The following AQR variants were observed in gnomAD, a reference collection of about 807,000 sequenced individuals.
AQR encodes aquarius intron-binding spliceosomal factor.
AQR carries 61 observed loss-of-function variants against 180.5 expected under a neutral mutation model. The observed-to-expected ratio is 0.34, with a 90% confidence interval of 0.28 to 0.42. The LOEUF (loss-of-function observed/expected upper bound fraction) is 0.42. Ranked by LOEUF, AQR falls within the 10% of genes least tolerant of loss-of-function variation. The pLI, the probability that AQR is intolerant of heterozygous loss-of-function variation, is 1.00. For synonymous variants in AQR, 551 were observed against 588.8 expected (o/e 0.94, Z 0.93); for missense variants, 1,281 against 1,798.3 (o/e 0.71, Z 5.20).
Position 34,960,777 on chromosome 15 carries a change from G to T in AQR, c.170C>A (p.Ser57Ter). 1 of 917,152 alleles carries T rather than the reference G, an allele frequency of 1.1e-6. No homozygotes were observed. The highest frequency in any genetic ancestry group is 1.7e-6 in the Non-Finnish European group (1 of 601,616). The allele number at this position is 917,152 out of a possible 1,614,324, so 56.8% of individuals were successfully genotyped here. A position where few individuals can be genotyped will look rare whatever the true frequency, so the allele number is the denominator to read the frequency against. The change falls in exon 3 of 35, where the codon TCA (serine) becomes TAA (stop). Residue 57 changes from serine (S) to a stop codon, truncating the protein, a stop_gained. Coordinates refer to ENST00000156471, the MANE Select transcript of AQR (RefSeq NM_014691.3). LOFTEE classifies it high-confidence loss of function. ...TAAAATTTAAATTCATTCCTACCTTGATTTGACAATCTCTTTTTCATATAT... is the reference window on the plus strand; with the variant it reads ...TAAAATTTAAATTCATTCCTACCTTTATTTGACAATCTCTTTTTCATATAT... ...EDIYEKEIVK[S>*]RFAIRKIMLL...
At chr15:34,905,825 C>T (rs1021536847) in intron 18 of AQR, among the ~76,000 whole-genome samples, 1 of 152,100 alleles carries the variant, frequency 6.6e-6, no homozygotes, top group African/African-American at 2.4e-5. Flanking sequence ...AAGATCCTGT[C>T]CCAGAGTTCG....
chr15:34,882,445 G>A (rs1176854997), intron 27 of AQR, 57 bp downstream of exon 27: 3 of 1,347,806 alleles, frequency 2.2e-6, no homozygotes, highest in East Asian at 5.5e-5. Flanking sequence ...CATAAGAAGT[G>A]AGCCAATCTC....
intron 20 of AQR, among the ~76,000 whole-genome samples, chr15:34,899,748 T>C (rs936391794): frequency 2.8e-4 from 42 of 152,056 alleles, no homozygotes; most frequent in Non-Finnish European, 5.3e-4. Context: ...ATCTGTGGGC[T>C]ACCACCCATA....
chr15:34,938,785 G>C lies in AQR; in HGVS notation c.670C>G (p.Gln224Glu), dbSNP rs1167731286. The C allele has an allele frequency of 5.6e-6, 9 of 1,609,348 alleles. No homozygotes were observed. In the East Asian group the frequency reaches 2.0e-4, roughly 36 times the overall value. Residue 224 changes from glutamine to glutamate, a missense_variant, in exon 9 of 35, where the codon CAA (glutamine) becomes GAA (glutamate). Physicochemically the swap from Gln to Glu is conservative, Grantham distance 29. Transcript: ENST00000156471. The part of the protein sequence containing the change: ...QAYQERRFLS[Q>E]LIQKFISVLK... ...ACAGAGATAAACTTCTGGATGAGTT[G>C]TGAAAGAAATCTCCTCTCTTGATAT...
At chr15:34,934,784 A>C in intron 9 of AQR, 149 bp from the exon 10 acceptor site, 2 of 473,080 alleles carry the variant, frequency 4.2e-6, no homozygotes, top group Non-Finnish European at 7.4e-6. Context: ...TGAGGATCTC[A>C]CATATATATT....
rs765328696 is a variant in AQR at position 34,952,920 on chromosome 15, C to T, written c.174G>A (p.Arg58=). 1.4e-6 allele frequency: 2 copies of T among 1,427,672 alleles called. No homozygotes were observed. Among genetic ancestry groups the T allele is most frequent in the Admixed American group, 2.0e-5 (1 of 50,596 alleles). 88.4% of individuals were successfully genotyped at this position (1,427,672 alleles called of 1,614,324 possible). Residue 58 remains arginine, a splice_region_variant and synonymous_variant, in exon 4 of 35, where the codon AGG becomes AGA. Coordinates refer to ENST00000156471, the MANE Select transcript of AQR (RefSeq NM_014691.3). ...AGAGCATTATCTTTCTAATAGCAAACCTGAAAACATAAAAATAAATAAAAT... is the reference window on the plus strand; with the variant it reads ...AGAGCATTATCTTTCTAATAGCAAATCTGAAAACATAAAAATAAATAAAAT... ...DIYEKEIVKS[R]FAIRKIMLLE... is the part of the protein sequence containing the mutation.
chr15:34,946,480 T>G (rs1282552800), intron 5 of AQR, among the ~76,000 whole-genome samples: 17 of 64,816 alleles, frequency 2.6e-4, no homozygotes, highest in African/African-American at 3.1e-4. Flanking sequence ...AGGAGGGAGG[T>G]GGGGGGGTCA....
At chr15:34,874,495 T>C (rs1165371492) in intron 29 of AQR, 182 bp downstream of exon 29, 1 of 560,264 alleles carries the variant, frequency 1.8e-6, no homozygotes, top group Non-Finnish European at 3.1e-6. Flanking sequence ...ATGAAGGAAA[T>C]AAATTATTTG....
rs1373632291 is a variant in AQR, at chr15:34,863,051, A to G, written c.3855-10T>C. 3 of 1,606,548 alleles carry G rather than the reference A, an allele frequency of 1.9e-6. No individual in the cohort carries two copies. In the South Asian group the frequency reaches 3.3e-5, roughly 18 times the overall value. ...CAAGCGACGGACATCCCTTTGGGAA[A>G]TAAACAAAATAATTAGCACACTTCA... On this transcript the variant is annotated splice_polypyrimidine_tract_variant and intron_variant, in intron 32 of 34. Coordinates refer to ENST00000156471, the MANE Select transcript of AQR (RefSeq NM_014691.3).
In AQR at chr15:34,969,699, C is replaced by G. The variant is rs1566794702; in HGVS notation, c.-86G>C. ...CTGGTCCACTTCCCTTAAGTTACTG[C>G]CGGGGCGCTTAACTCCGCGCCGCAC... is the stretch of plus-strand genomic sequence containing the variant. On this transcript the variant is annotated 5_prime_UTR_variant, in exon 1 of 35. Coordinates refer to ENST00000156471, the MANE Select transcript of AQR (RefSeq NM_014691.3). 4 of 1,393,868 alleles carry G rather than the reference C, an allele frequency of 2.9e-6. No homozygotes were observed. The highest frequency in any genetic ancestry group is 3.9e-6 in the Non-Finnish European group (4 of 1,030,388). 86.3% of individuals were successfully genotyped at this position (1,393,868 alleles called of 1,614,324 possible).
chr15:34,865,232 G>A (rs764365401), intron 32 of AQR, among the ~76,000 whole-genome samples: 2 of 152,144 alleles, frequency 1.3e-5, no homozygotes, highest in Non-Finnish European at 2.9e-5. Context: ...ACAGAGGAAA[G>A]CTGCAGCCTC....
At position 34,889,428 on chromosome 15, in the gene AQR, G is replaced by A. The variant is rs145260412; in HGVS notation, c.2681+787C>T. Among the ~76,000 whole-genome samples the A allele has an allele frequency of 3.8e-3, 574 of 152,284 alleles. 2 individuals are homozygous for A. Among genetic ancestry groups the A allele is most frequent in the Middle Eastern group, 0.01 (3 of 294 alleles). ...CCAAAGGCTACATTAAATATGTCCA[G>A]CTGTTAATTGTGCTTATTATCTAAA... On this transcript the variant is annotated intron_variant, in intron 24 of 34. Coordinates refer to ENST00000156471, the MANE Select transcript of AQR (RefSeq NM_014691.3).
chr15:34,876,467 A>C (rs766347841), intron 27 of AQR, among the ~76,000 whole-genome samples: 3 of 152,066 alleles, frequency 2.0e-5, no homozygotes, highest in Non-Finnish European at 4.4e-5. Flanking sequence ...ACCCCTGGGC[A>C]TTCAATCCAT....
chr15:34,885,249 C>T (rs1257515206), intron 25 of AQR, among the ~76,000 whole-genome samples: 1 of 152,128 alleles, frequency 6.6e-6, no homozygotes, highest in East Asian at 1.9e-4. Context: ...TATTTGAAAG[C>T]TTATCTTATG....
chr15:34,875,014 T>C (rs1892871532), intron 28 of AQR, 150 bp from the exon 29 acceptor site: 1 of 709,790 alleles, frequency 1.4e-6, no homozygotes, highest in Non-Finnish European at 2.3e-6. Flanking sequence ...TCTAGCAAAT[T>C]TACAGAACAA....
chr15:34,949,414 TC>T (rs2140502128), intron 4 of AQR, among the ~76,000 whole-genome samples: 1 of 151,118 alleles, frequency 6.6e-6, no homozygotes, highest in East Asian at 2.0e-4. Context: ...ATCGAGACCA[TC>T]CTGGCCAACA....
chr15:34,900,641 G>A lies in AQR; in HGVS notation c.2224C>T (p.Leu742=), dbSNP rs1331452188. The A allele has an allele frequency of 3.7e-6, 6 of 1,613,934 alleles. No homozygotes were observed. The Admixed American group carries it at 1.0e-4, about 27-fold the overall frequency. ...NVKVTVEDPA[L]QIPPFRITFP... ...CTTTACCTGAAAGGGGGTATTTGTAGAGCAGGGTCTTCTACAGTTACTTTA... is the reference window on the plus strand; with the variant it reads ...CTTTACCTGAAAGGGGGTATTTGTAAAGCAGGGTCTTCTACAGTTACTTTA... Residue 742 remains leucine (L), a synonymous_variant, in exon 20 of 35, where the codon CTA becomes TTA. Coordinates refer to ENST00000156471, the MANE Select transcript of AQR (RefSeq NM_014691.3).
At chr15:34,963,195 T>C (rs1416006535) in intron 2 of AQR, among the ~76,000 whole-genome samples, 1 of 152,178 alleles carries the variant, frequency 6.6e-6, no homozygotes, top group African/African-American at 2.4e-5. Flanking sequence ...TCCAGTCTAG[T>C]CTCAAACTCC....
At chr15:34,948,155 A>G in intron 5 of AQR, 109 bp downstream of exon 5, 1 of 1,232,134 alleles carries the variant, frequency 8.1e-7, no homozygotes, top group Non-Finnish European at 1.1e-6. Flanking sequence ...TTGCTTTATT[A>G]CTGGGTAAAG....
Sources: allele counts gnomAD v4.1 joint callset (sites outside exome capture counted in the v4.1 genomes callset), GRCh38; gene constraint gnomAD v4.1.1; transcripts MANE v1.5; gene names NCBI Gene and HGNC (gene_info 2026-07-23, HGNC 2026-07-21).